The following PLCG2 variants were observed in gnomAD, a reference collection of about 807,000 sequenced individuals.
PLCG2 encodes phospholipase C gamma 2.
Under a neutral mutation model 175.6 loss-of-function variants are expected in PLCG2, and 69 were observed. The ratio of observed to expected loss-of-function variants is 0.39; its 90% CI spans 0.32 to 0.48. The LOEUF (loss-of-function observed/expected upper bound fraction) is 0.48, where lower values mean the gene tolerates loss of function less well. Among genes scored for constraint, PLCG2 ranks in the 20% least tolerant of loss-of-function variants. The pLI is 0.91. For missense variants in PLCG2, 1,798 were observed against 1,650.9 expected (o/e 1.09, Z -1.54); for synonymous variants, 827 against 624.0 (o/e 1.33, Z -4.85).
At chr16:81,758,331 A>C (rs1350712395) in intron 2 of PLCG2, among the ~76,000 whole-genome samples, 2 of 152,224 alleles carry the variant, frequency 1.3e-5, no homozygotes, top group Non-Finnish European at 2.9e-5. Context: ...GGATCAGCAA[A>C]TCGTTTCTTT....
intron 30 of PLCG2, among the ~76,000 whole-genome samples, chr16:81,945,271 C>T (rs1303073041): frequency 6.6e-6 from 1 of 152,184 alleles, no homozygotes; most frequent in African/African-American, 2.4e-5. Flanking sequence ...GTGGGAGTGT[C>T]CTATTTTGGG....
At chr16:81,847,283 A>C (rs762807297) in intron 2 of PLCG2, among the ~76,000 whole-genome samples, 2 of 152,216 alleles carry the variant, frequency 1.3e-5, no homozygotes, top group Admixed American at 6.5e-5. Context: ...CACCCGCCAG[A>C]AACTTCCATG....
intron 7 of PLCG2, among the ~76,000 whole-genome samples, chr16:81,871,537 C>T (rs1348272858): frequency 2.6e-5 from 4 of 152,194 alleles, no homozygotes; most frequent in South Asian, 2.1e-4. Context: ...GGGGTTTTGC[C>T]GCATTGGGTG....
intron 22 of PLCG2, among the ~76,000 whole-genome samples, chr16:81,924,344 G>A (rs141021204): frequency 6.6e-6 from 1 of 152,390 alleles, no homozygotes; most frequent in East Asian, 1.9e-4. Flanking sequence ...CCTGGCTTAG[G>A]AATCTGAATA....
chr16:81,809,231 C>G (rs947686025), intron 2 of PLCG2, among the ~76,000 whole-genome samples: 3 of 152,142 alleles, frequency 2.0e-5, no homozygotes, highest in African/African-American at 7.2e-5. Context: ...CTGGAAACAC[C>G]TGTGACTATG....
chr16:81,793,009 T>C (rs932317830), intron 2 of PLCG2, among the ~76,000 whole-genome samples: 30 of 152,332 alleles, frequency 2.0e-4, no homozygotes, highest in East Asian at 1.9e-4. Flanking sequence ...TTATGTTCTT[T>C]TTAAGATGTG....
chr16:81,938,786 C>A lies in PLCG2; in HGVS notation c.3199-15C>A. 6.5e-7 allele frequency: 1 copy of A among 1,550,282 alleles called. No homozygotes were observed. The highest frequency in any genetic ancestry group is 8.9e-7 in the Non-Finnish European group (1 of 1,125,536). Reference sequence around the variant, plus strand: ...GACCCCAGGGGGGTTCCAATGCTTCCCTTTGGTGTCCCAGGTTCTCGGTGC... The same window carrying A: ...GACCCCAGGGGGGTTCCAATGCTTCACTTTGGTGTCCCAGGTTCTCGGTGC... On this transcript the variant is annotated splice_polypyrimidine_tract_variant and intron_variant, in intron 28 of 32. Transcript: ENST00000564138.
At chr16:81,810,361 G>A (rs948547130) in intron 2 of PLCG2, among the ~76,000 whole-genome samples, 4 of 152,190 alleles carry the variant, frequency 2.6e-5, no homozygotes, top group African/African-American at 7.2e-5. Flanking sequence ...ATAAGAGACC[G>A]TTTTTCTCTC....
At chr16:81,830,666 G>A (rs199526555) in intron 2 of PLCG2, among the ~76,000 whole-genome samples, 16,637 of 135,680 alleles carry the variant, frequency 0.12, 966 homozygotes, top group South Asian at 0.17. Flanking sequence ...GTGTGTGTGT[G>A]TATATATATA....
At chr16:81,925,897 A>G (rs1003864051) in intron 22 of PLCG2, among the ~76,000 whole-genome samples, 14 of 152,090 alleles carry the variant, frequency 9.2e-5, no homozygotes, top group Non-Finnish European at 2.1e-4. Context: ...AAAAAAAAAA[A>G]AAAAAAATCC....
intron 5 of PLCG2, among the ~76,000 whole-genome samples, chr16:81,859,727 A>G (rs71400181): frequency 0.081 from 12,355 of 152,090 alleles, 546 homozygotes; most frequent in Middle Eastern, 0.12. Context: ...TAGTAGAGAC[A>G]GGGTTTCACC....
chr16:81,900,163 C>T (rs1461722107), intron 13 of PLCG2, among the ~76,000 whole-genome samples: 1 of 152,014 alleles, frequency 6.6e-6, no homozygotes, highest in Non-Finnish European at 1.5e-5. Flanking sequence ...AACCAATATA[C>T]TTTATAAATA....
At chr16:81,763,582 A>G (rs959164843) in intron 2 of PLCG2, among the ~76,000 whole-genome samples, 2 of 152,238 alleles carry the variant, frequency 1.3e-5, no homozygotes, top group East Asian at 1.9e-4. Flanking sequence ...TTCTAACGTC[A>G]TCTTGGGGCT....
chr16:81,816,632 C>T (rs1904560060), intron 2 of PLCG2, among the ~76,000 whole-genome samples: 1 of 141,024 alleles, frequency 7.1e-6, no homozygotes, highest in African/African-American at 2.7e-5. Context: ...GCATGCACCA[C>T]CATGCCCAGC....
upstream of PLCG2, among the ~76,000 whole-genome samples, chr16:81,778,062 A>T (rs1487616678): frequency 2.7e-5 from 3 of 113,054 alleles, no homozygotes; most frequent in East Asian, 2.3e-4. Flanking sequence ...AAACAAAAAA[A>T]ACCAAAAACA....
At chr16:81,806,061 T>C (rs1912007884) in intron 2 of PLCG2, among the ~76,000 whole-genome samples, 1 of 152,134 alleles carries the variant, frequency 6.6e-6, no homozygotes, top group Admixed American at 6.5e-5. Flanking sequence ...TCAACATGTA[T>C]GCAATATAAT....
rs548611568 is a variant in PLCG2, at chr16:81,962,168, T to G, written c.*4170T>G. 6 of 186,618 alleles carry G rather than the reference T, an allele frequency of 3.2e-5. No individual in the cohort carries two copies. Among genetic ancestry groups the G allele is most frequent in the Admixed American group, 1.2e-4 (2 of 16,052 alleles). 11.6% of individuals were successfully genotyped at this position (186,618 alleles called of 1,614,324 possible). On this transcript the variant is annotated 3_prime_UTR_variant, in exon 33 of 33. Coordinates refer to ENST00000564138, the MANE Select transcript of PLCG2 (RefSeq NM_002661.5). ...GAACCTCCAAACAAGCTCTCAAGAT[T>G]GCTGATCTAGGGCCACTAAGTGATG...
intron 19 of PLCG2, among the ~76,000 whole-genome samples, chr16:81,916,083 C>G (rs994166492): frequency 2.6e-5 from 4 of 152,022 alleles, no homozygotes; most frequent in Non-Finnish European, 5.9e-5. Flanking sequence ...TTAGAAAATA[C>G]AAATGGGAAC....
intron 2 of PLCG2, among the ~76,000 whole-genome samples, chr16:81,807,497 T>C (rs1413382186): frequency 6.6e-6 from 1 of 152,218 alleles, no homozygotes; most frequent in Non-Finnish European, 1.5e-5. Flanking sequence ...GTCATCACTG[T>C]CACTAACGCC....
Sources: gnomAD v4.1 joint callset for allele counts (sites outside exome capture counted in the v4.1 genomes callset) on GRCh38, gnomAD v4.1.1 for gene constraint, MANE v1.5 for transcripts, NCBI Gene and HGNC (gene_info 2026-07-23, HGNC 2026-07-21) for gene names.